WWOX: variants seen among roughly 807,000 people sequenced by gnomAD.
The protein encoded by WWOX is WW domain-containing oxidoreductase.
In WWOX, 69 loss-of-function variants were observed where a neutral mutation model predicts 46.2. That is an observed-to-expected ratio of 1.49 (90% CI 1.23 to 1.82). WWOX has a LOEUF of 1.82. Ranked by LOEUF, WWOX falls within the 40% of genes most tolerant of loss-of-function variation. WWOX has a pLI of 0.00. For synonymous variants in WWOX, 359 were observed against 202.6 expected (o/e 1.77, Z -6.56); for missense variants, 919 against 542.6 (o/e 1.69, Z -6.89).
intron 8 of WWOX, among the ~76,000 whole-genome samples, chr16:79,138,516 A>G (rs2050026765): frequency 6.6e-6 from 1 of 152,168 alleles, no homozygotes; most frequent in African/African-American, 2.4e-5. Flanking sequence ...ACTGTGCCAT[A>G]GACAGGTTAG....
rs139253468 is a variant in WWOX at position 79,211,729 on chromosome 16, C to A, written c.1178C>A (p.Thr393Lys). The A allele has an allele frequency of 6.2e-7, 1 of 1,614,222 alleles. No homozygotes were observed. Among genetic ancestry groups the A allele is most frequent in the Non-Finnish European group, 8.5e-7 (1 of 1,180,046 alleles). Residue 393 changes from threonine (T) to lysine (K), a missense_variant, in exon 9 of 9, where the codon ACG (threonine) becomes AAG (lysine). Coordinates refer to ENST00000566780, the MANE Select transcript of WWOX (RefSeq NM_016373.4). ...MPSPEAQSEE[T>K]ARTLWALSER... ...TCACCAGAAGCTCAGAGCGAAGAGACGGCCCGGACCCTGTGGGCGCTCAGC... is the reference window on the plus strand; with the variant it reads ...TCACCAGAAGCTCAGAGCGAAGAGAAGGCCCGGACCCTGTGGGCGCTCAGC...
At chr16:78,662,113 C>G (rs894372575) in intron 8 of WWOX, among the ~76,000 whole-genome samples, 10 of 152,024 alleles carry the variant, frequency 6.6e-5, no homozygotes. Flanking sequence ...AGTGAATGCC[C>G]TGACTTTGGG....
intron 8 of WWOX, among the ~76,000 whole-genome samples, chr16:78,658,312 TATAAA>T (rs2047127088): frequency 6.6e-6 from 1 of 152,198 alleles, no homozygotes; most frequent in South Asian, 2.1e-4. Context: ...CAAATAATAA[TATAAA>T]CTACTACTTT....
intron 8 of WWOX, among the ~76,000 whole-genome samples, chr16:78,925,438 C>A (rs552453592): frequency 1.1e-4 from 17 of 152,284 alleles, no homozygotes; most frequent in Admixed American, 9.8e-4. Context: ...GGAATAATTA[C>A]CTTCCTTGGT....
At chr16:78,674,533 C>T (rs555854253) in intron 8 of WWOX, among the ~76,000 whole-genome samples, 24 of 152,110 alleles carry the variant, frequency 1.6e-4, no homozygotes, top group Non-Finnish European at 2.5e-4. Flanking sequence ...GATCCACCCT[C>T]CTCAGCCTCC....
At chr16:79,057,973 G>C (rs1282902821) in intron 8 of WWOX, among the ~76,000 whole-genome samples, 1 of 151,926 alleles carries the variant, frequency 6.6e-6, no homozygotes, top group Non-Finnish European at 1.5e-5. Flanking sequence ...GCTTCTTCTC[G>C]GGCTCTTATT....
At chr16:79,124,404 G>A (rs187702069) in intron 8 of WWOX, among the ~76,000 whole-genome samples, 3 of 152,122 alleles carry the variant, frequency 2.0e-5, no homozygotes, top group Admixed American at 6.5e-5. Context: ...TAATTATTAT[G>A]CTTTTTAAAA....
At chr16:78,766,756 C>G (rs2049932710) in intron 8 of WWOX, among the ~76,000 whole-genome samples, 1 of 152,208 alleles carries the variant, frequency 6.6e-6, no homozygotes, top group South Asian at 2.1e-4. Flanking sequence ...TTTTAATGTT[C>G]AGGTTTTGTG....
At chr16:78,251,065 C>G (rs1292613034) in intron 5 of WWOX, among the ~76,000 whole-genome samples, 1 of 152,178 alleles carries the variant, frequency 6.6e-6, no homozygotes, top group Non-Finnish European at 1.5e-5. Context: ...TAAGGGTATG[C>G]TTACGTTACC....
At chr16:78,389,782 G>T (rs540356605) in intron 6 of WWOX, among the ~76,000 whole-genome samples, 2 of 152,164 alleles carry the variant, frequency 1.3e-5, no homozygotes, top group South Asian at 4.2e-4. Context: ...ACAGGGTCTC[G>T]CTGTGTTGCC....
chr16:78,377,167 G>A (rs2081850353), intron 5 of WWOX, among the ~76,000 whole-genome samples: 1 of 152,192 alleles, frequency 6.6e-6, no homozygotes, highest in African/African-American at 2.4e-5. Flanking sequence ...TTGCTGTTGA[G>A]AATGTAATTA....
intron 8 of WWOX, among the ~76,000 whole-genome samples, chr16:78,665,120 G>C (rs536539228): frequency 7.5e-4 from 114 of 152,200 alleles, no homozygotes; most frequent in Non-Finnish European, 1.4e-3. Context: ...AAAGATAGCA[G>C]AGCCCGGGGC....
At chr16:78,388,338 T>C (rs2082102161) in intron 6 of WWOX, among the ~76,000 whole-genome samples, 1 of 152,150 alleles carries the variant, frequency 6.6e-6, no homozygotes, top group African/African-American at 2.4e-5. Context: ...GCCGCTCTAC[T>C]TTATTAGATT....
intron 5 of WWOX, among the ~76,000 whole-genome samples, chr16:78,301,876 A>G (rs1200668865): frequency 6.6e-6 from 1 of 152,008 alleles, no homozygotes; most frequent in Non-Finnish European, 1.5e-5. Context: ...AATTTAACAT[A>G]TCTTAGATCA....
chr16:78,976,013 C>T (rs1156853510), intron 8 of WWOX, among the ~76,000 whole-genome samples: 1 of 152,160 alleles, frequency 6.6e-6, no homozygotes, highest in African/African-American at 2.4e-5. Context: ...ATGGAGATGC[C>T]ATGTCCTTTC....
At chr16:78,810,253 C>T (rs575087911) in intron 8 of WWOX, among the ~76,000 whole-genome samples, 69 of 152,332 alleles carry the variant, frequency 4.5e-4, no homozygotes, top group Non-Finnish European at 7.9e-4. Flanking sequence ...GTCTTATTCT[C>T]AGCTGATCTG....
intron 8 of WWOX, among the ~76,000 whole-genome samples, chr16:79,164,215 A>G (rs963168726): frequency 3.3e-5 from 5 of 152,204 alleles, no homozygotes; most frequent in Non-Finnish European, 7.3e-5. Context: ...GAGCTACAGC[A>G]ATTGAGGCTT....
At chr16:78,595,608 G>T (rs1186797376) in intron 8 of WWOX, among the ~76,000 whole-genome samples, 2 of 152,182 alleles carry the variant, frequency 1.3e-5, no homozygotes, top group Non-Finnish European at 2.9e-5. Context: ...GGGCAGGCAG[G>T]GCCACCTGCC....
chr16:78,296,816 A>G (rs1361178205), intron 5 of WWOX, among the ~76,000 whole-genome samples: 4 of 152,196 alleles, frequency 2.6e-5, no homozygotes, highest in Admixed American at 1.3e-4. Flanking sequence ...TGATGCACCT[A>G]AAGGAGTTTT....
Sources: allele counts gnomAD v4.1 joint callset (sites outside exome capture counted in the v4.1 genomes callset), GRCh38; gene constraint gnomAD v4.1.1; transcripts MANE v1.5; gene names NCBI Gene and HGNC (gene_info 2026-07-23, HGNC 2026-07-21).